Variants in NDUFA3 observed in about 807,000 individuals in gnomAD.
NDUFA3 encodes NADH dehydrogenase [ubiquinone] 1 alpha subcomplex subunit 3.
In NDUFA3, 10 loss-of-function variants were observed where a neutral mutation model predicts 11.4. That is an observed-to-expected ratio of 0.87 (90% CI 0.54 to 1.48). The LOEUF (loss-of-function observed/expected upper bound fraction) is 1.48, where lower values mean the gene tolerates loss of function less well. NDUFA3 is among the 40% of genes most tolerant of loss of function. The probability of loss-of-function intolerance (pLI) is 0.00; values close to 1 mark genes in which losing one functional copy is unlikely to be tolerated. For missense variants in NDUFA3, 115 were observed against 110.5 expected (o/e 1.04, Z -0.18); for synonymous variants, 39 against 46.9 (o/e 0.83, Z 0.68).
Position 54,106,031 on chromosome 19 carries a change from G to A in NDUFA3, c.163+20G>A. On this transcript the variant is annotated intron_variant, in intron 3 of 3. Transcript: ENST00000485876. ...ACCCAGGTGAGTGGGGGCCAGGCAG[G>A]GATCCCCGGAATAGGCCCAGCCTCC... is the stretch of plus-strand genomic sequence containing the variant. 2.5e-6 allele frequency: 4 copies of A among 1,599,002 alleles called. No homozygotes were observed. The highest frequency in any genetic ancestry group is 2.6e-6 in the Non-Finnish European group (3 of 1,166,402).
rs2073281402 is a variant in NDUFA3, at chr19:54,106,937, C to T, written c.*35C>T. 1 of 1,601,796 alleles carries T rather than the reference C, an allele frequency of 6.2e-7. No individual in the cohort carries two copies. The highest frequency in any genetic ancestry group is 8.5e-7 in the Non-Finnish European group (1 of 1,173,520). The stretch of plus-strand genomic sequence containing the variant: ...CTGACAGAGGCGGCCCCTCCCACGG[C>T]TCCCAATAAAAATGTGAAAACCAAC... On this transcript the variant is annotated 3_prime_UTR_variant, in exon 4 of 4. Coordinates refer to ENST00000485876, the MANE Select transcript of NDUFA3 (RefSeq NM_004542.4).
chr19:54,106,943 A>G lies in NDUFA3; in HGVS notation c.*41A>G. ...GAGGCGGCCCCTCCCACGGCTCCCA[A>G]TAAAAATGTGAAAACCAACCCCCGA... On this transcript the variant is annotated 3_prime_UTR_variant, in exon 4 of 4. Coordinates refer to ENST00000485876, the MANE Select transcript of NDUFA3 (RefSeq NM_004542.4). 1.2e-6 allele frequency: 2 copies of G among 1,601,430 alleles called. No individual in the cohort carries two copies. The highest frequency in any genetic ancestry group is 2.7e-5 in the African/African-American group (2 of 74,330).
At chr19:54,105,702 CTG>C (rs765812862) in intron 2 of NDUFA3, 26 of 692,370 alleles carry the variant, frequency 3.8e-5, no homozygotes, top group Non-Finnish European at 5.7e-5. Flanking sequence ...CCCCACGTAT[CTG>C]TGAGTGTTAG....
intron 2 of NDUFA3, among the ~76,000 whole-genome samples, chr19:54,103,447 G>A (rs2073154559): frequency 6.6e-6 from 1 of 151,920 alleles, no homozygotes; most frequent in South Asian, 2.1e-4. Flanking sequence ...TAACACCTGA[G>A]CACCAAAAAA....
At chr19:54,104,974 G>A (rs1230383902) in intron 2 of NDUFA3, among the ~76,000 whole-genome samples, 1 of 152,092 alleles carries the variant, frequency 6.6e-6, no homozygotes, top group South Asian at 2.1e-4. Context: ...CTGACCTCAG[G>A]TGATCCACCC....
chr19:54,103,644 C>A (rs973548679), intron 2 of NDUFA3, among the ~76,000 whole-genome samples: 1 of 151,904 alleles, frequency 6.6e-6, no homozygotes, highest in Admixed American at 6.6e-5. Context: ...TAATTAGCAC[C>A]GGAGTTCCTG....
At position 54,107,407 on chromosome 19, in the gene NDUFA3, G is replaced by A. The variant is rs2073302157; in HGVS notation, c.*505G>A. The A allele has an allele frequency of 1.8e-6, 1 of 544,030 alleles. No homozygotes were observed. The allele number at this position is 544,030 out of a possible 1,614,324, so 33.7% of individuals were successfully genotyped here. ...GGGACTACAGGCACTTGCCAACCAA[G>A]CCTAACATGTTTTTTCTTTTTGGTA... On this transcript the variant is annotated 3_prime_UTR_variant, in exon 4 of 4. Transcript: ENST00000485876.
At chr19:54,105,875 C>T in intron 2 of NDUFA3, 59 bp from the exon 3 acceptor site, 1 of 1,452,404 alleles carries the variant, frequency 6.9e-7, no homozygotes, top group Non-Finnish European at 9.7e-7. Flanking sequence ...GGCTCACCTT[C>T]TCTTCCCCTC....
intron 2 of NDUFA3, chr19:54,105,625 G>A (rs1352089737): frequency 3.2e-6 from 2 of 616,866 alleles, no homozygotes; most frequent in East Asian, 3.5e-5. Flanking sequence ...CCCCCAGGAT[G>A]CTCCATGATG....
At chr19:54,103,236 C>T (rs2073144629) in intron 2 of NDUFA3, 48 bp downstream of exon 2, 6 of 1,532,488 alleles carry the variant, frequency 3.9e-6, no homozygotes, top group African/African-American at 1.4e-5. Flanking sequence ...CCCCCGTCCC[C>T]CTACATCCCT....
At position 54,104,295 on chromosome 19, in the gene NDUFA3, G is replaced by GCC. The variant is rs587648823; in HGVS notation, c.85+1109_85+1110dup. 2.3e-4 allele frequency among the ~76,000 whole-genome samples: 35 copies of GCC among 151,662 alleles called. No individual in the cohort carries two copies. The East Asian group carries it at 4.9e-3, about 21-fold the overall frequency. On this transcript the variant is annotated intron_variant, in intron 2 of 3. Coordinates refer to ENST00000485876, the MANE Select transcript of NDUFA3 (RefSeq NM_004542.4). ...TGGGATTACAGGCGAGCACCACCAC[G>GCC]CCCGGCTAATTTTTGTATTTTTAGT...
chr19:54,105,264 CTTTTTTTTTTTTT>C (rs796770972), intron 2 of NDUFA3, among the ~76,000 whole-genome samples: 1 of 71,258 alleles, frequency 1.4e-5, no homozygotes, highest in African/African-American at 6.0e-5. Context: ...GTTTGTAAGG[CTTTTTTTTTTTTT>C]TTTTTTTTGG....
intron 2 of NDUFA3, 91 bp from the exon 3 acceptor site, chr19:54,105,843 C>T (rs2073242695): frequency 9.0e-7 from 1 of 1,105,278 alleles, no homozygotes. Flanking sequence ...TCCCCCTGCG[C>T]ACTTTATCTT....
chr19:54,105,772 A>G (rs1050573422), intron 2 of NDUFA3, 162 bp from the exon 3 acceptor site: 22 of 703,440 alleles, frequency 3.1e-5, no homozygotes, highest in East Asian at 7.7e-5. Context: ...CCTCCTGTCT[A>G]TAAGTAGGGA....
chr19:54,107,183 G>T lies in NDUFA3; in HGVS notation c.*281G>T. 1 of 1,609,454 alleles carries T rather than the reference G, an allele frequency of 6.2e-7. No homozygotes were observed. The highest frequency in any genetic ancestry group is 2.2e-5 in the East Asian group (1 of 44,838). On this transcript the variant is annotated 3_prime_UTR_variant, in exon 4 of 4. Coordinates refer to ENST00000485876, the MANE Select transcript of NDUFA3 (RefSeq NM_004542.4). ...CTCAACCTTAATCTGCAGGAGATAAGGAACAAGGTGTTAACAGGCCTGGGA... is the reference window on the plus strand; with the variant it reads ...CTCAACCTTAATCTGCAGGAGATAATGAACAAGGTGTTAACAGGCCTGGGA...
In NDUFA3 at chr19:54,106,791, G is replaced by A. The variant is rs2073274705; in HGVS notation, c.164-20G>A. On this transcript the variant is annotated intron_variant, in intron 3 of 3. Transcript: ENST00000485876. ...CCCTGGAGACGTGCTGGTCTCAGTG[G>A]CCCACCTCCTGCCCCACAGTGCCCG... 1.3e-6 allele frequency: 2 copies of A among 1,593,706 alleles called. No individual in the cohort carries two copies. The highest frequency in any genetic ancestry group is 1.7e-6 in the Non-Finnish European group (2 of 1,170,258).
Position 54,105,263 on chromosome 19 carries a change from G to GATTTTTTTTTTT in NDUFA3, c.86-671_86-670insATTTTTTTTTTT, listed in dbSNP as rs1201834834. 2.1e-3 allele frequency among the ~76,000 whole-genome samples: 81 copies of GATTTTTTTTTTT among 38,994 alleles called. 3 individuals carry two copies. Among genetic ancestry groups the GATTTTTTTTTTT allele is most frequent in the South Asian group, 4.7e-3 (6 of 1,286 alleles). 25.6% of individuals were successfully genotyped at this position (38,994 alleles called of 152,430 possible). ...AACCCTTTCTCCTCCAGTTTGTAAG[G>GATTTTTTTTTTT]CTTTTTTTTTTTTTTTTTTTTTGGT... On this transcript the variant is annotated intron_variant, in intron 2 of 3. Transcript: ENST00000485876.
In NDUFA3 at chr19:54,102,860, C is replaced by G; in HGVS notation, c.-19C>G. The G allele has an allele frequency of 1.2e-6, 2 of 1,607,938 alleles. No homozygotes were observed. The highest frequency in any genetic ancestry group is 1.1e-5 in the South Asian group (1 of 90,248). ...GGGTGCTCCGCGTCCTCGCCGCTGT[C>G]GCCGCCGCGGAGACAAAGATGGCTG... On this transcript the variant is annotated 5_prime_UTR_variant, in exon 1 of 4. Transcript: ENST00000485876.
intron 3 of NDUFA3, 44 bp from the exon 4 acceptor site, chr19:54,106,767 C>T (rs771948443): frequency 3.9e-6 from 6 of 1,532,328 alleles, no homozygotes; most frequent in Admixed American, 2.0e-5. Context: ...TCTCCAGGGC[C>T]CTGGAGACGT....
Sources: allele counts gnomAD v4.1 joint callset (sites outside exome capture counted in the v4.1 genomes callset), GRCh38; gene constraint gnomAD v4.1.1; transcripts MANE v1.5; gene names NCBI Gene and HGNC (gene_info 2026-07-23, HGNC 2026-07-21).